The following ZNF717 variants were observed in gnomAD, a reference collection of about 807,000 sequenced individuals.
ZNF717 encodes the protein krueppel-like factor X17.
A neutral mutation model predicts 13.8 loss-of-function variants in ZNF717; 9 were observed. That is an observed-to-expected ratio of 0.65 (90% confidence interval 0.39 to 1.14). ZNF717 has a LOEUF of 1.14. Among genes scored for constraint, ZNF717 ranks in the 50% most tolerant of loss-of-function variants. The probability of loss-of-function intolerance (pLI) is 0.01; values close to 1 mark genes in which losing one functional copy is unlikely to be tolerated. For missense variants in ZNF717, 1,040 were observed against 1,080.7 expected (o/e 0.96, Z 0.53); for synonymous variants, 327 against 364.1 (o/e 0.90, Z 1.16).
intron 2 of ZNF717, among the ~76,000 whole-genome samples, chr3:75,772,312 C>T (rs1454696995): frequency 6.6e-6 from 1 of 152,248 alleles, no homozygotes; most frequent in Non-Finnish European, 1.5e-5. Flanking sequence ...AGGAGAAGAA[C>T]TCGGGACCTG....
chr3:75,708,357 G>T (rs546681799), downstream of ZNF717, among the ~76,000 whole-genome samples: 1 of 152,410 alleles, frequency 6.6e-6, no homozygotes, highest in African/African-American at 2.4e-5. Context: ...AGGCAAACAG[G>T]GTCTGGAGTG....
intron 2 of ZNF717, among the ~76,000 whole-genome samples, chr3:75,773,737 G>A (rs1340578563): frequency 6.6e-6 from 1 of 152,148 alleles, no homozygotes; most frequent in Non-Finnish European, 1.5e-5. Context: ...GAGGGCGACA[G>A]AGCAAGACGC....
chr3:75,726,253 C>T (rs1938276507), downstream of ZNF717, among the ~76,000 whole-genome samples: 1 of 152,196 alleles, frequency 6.6e-6, no homozygotes, highest in Non-Finnish European at 1.5e-5. Flanking sequence ...AGAGGGAGGG[C>T]ACATTTAGAT....
intron 2 of ZNF717, among the ~76,000 whole-genome samples, chr3:75,770,414 G>C (rs1943796334): frequency 6.6e-6 from 1 of 152,150 alleles, no homozygotes; most frequent in Admixed American, 6.5e-5. Context: ...TACAAAATTA[G>C]CTGGGCGTGG....
chr3:75,737,842 T>C lies in ZNF717; in HGVS notation c.1781A>G (p.Asn594Ser), dbSNP rs149887072. The change falls in exon 5 of 5, where the codon AAT (asparagine) becomes AGT (serine). Residue 594 changes from asparagine to serine, a missense_variant. Around this residue, in one of 3 missense-constraint regions of ZNF717, gnomAD observed 873 missense variants for 832.8 expected, o/e 1.05. Transcript: ENST00000652011. ...THAGKKPYEC[N>S]ECEKTFINKL... ...ATTGATAAAGGTTTTCTCACATTCA[T>C]TACATTCATAGGGTTTTTTGCCAGC... 1 of 1,551,508 alleles carries C rather than the reference T, an allele frequency of 6.4e-7. No homozygotes were observed. Among genetic ancestry groups the C allele is most frequent in the Admixed American group, 2.0e-5 (1 of 50,970 alleles).
intron 5 of ZNF717, among the ~76,000 whole-genome samples, chr3:75,730,782 TTC>T: frequency 7.7e-6 from 1 of 130,698 alleles, no homozygotes; most frequent in East Asian, 2.2e-4. Flanking sequence ...AGAAGGAACT[TTC>T]TGAGTTTATT....
chr3:75,746,587 G>A (rs1941195067), intron 2 of ZNF717, among the ~76,000 whole-genome samples: 1 of 152,172 alleles, frequency 6.6e-6, no homozygotes, highest in African/African-American at 2.4e-5. Flanking sequence ...ACTAGTGTGA[G>A]ATGATATCTC....
At chr3:75,715,455 A>G (rs2106846002) in intron 5 of ZNF717, among the ~76,000 whole-genome samples, 1 of 152,320 alleles carries the variant, frequency 6.6e-6, no homozygotes, top group South Asian at 2.1e-4. Flanking sequence ...TGTAAGGTCA[A>G]GATTTTGACC....
intron 2 of ZNF717, among the ~76,000 whole-genome samples, chr3:75,758,135 AAGAG>A (rs1261630408): frequency 2.0e-5 from 3 of 148,798 alleles, no homozygotes; most frequent in East Asian, 2.0e-4. Context: ...AAAAAAAAAA[AAGAG>A]AGAGAGATAA....
At chr3:75,734,815 ATATTTTTTT>A (rs1258200612), downstream of ZNF717, among the ~76,000 whole-genome samples, 1,532 of 42,684 alleles carry the variant, frequency 0.036, 5 homozygotes, top group African/African-American at 0.088. Context: ...ATATATATAT[ATATTTTTTT>A]TTTTTTTTTT....
At chr3:75,745,176 CT>C (rs1255381937) in intron 2 of ZNF717, among the ~76,000 whole-genome samples, 35 of 140,654 alleles carry the variant, frequency 2.5e-4, no homozygotes, top group Admixed American at 2.3e-3. Context: ...TTCTTTCTGT[CT>C]TTTTAAAATT....
At chr3:75,770,766 A>G (rs1322221736) in intron 2 of ZNF717, among the ~76,000 whole-genome samples, 1 of 152,182 alleles carries the variant, frequency 6.6e-6, no homozygotes, top group Non-Finnish European at 1.5e-5. Context: ...TAACTTTTAG[A>G]TAGCAACAAA....
chr3:75,750,055 G>A (rs796215604), intron 2 of ZNF717, among the ~76,000 whole-genome samples: 2 of 148,712 alleles, frequency 1.3e-5, no homozygotes, highest in East Asian at 4.0e-4. Context: ...ACACTGCTAC[G>A]AGGGTCTGAA....
intron 2 of ZNF717, among the ~76,000 whole-genome samples, chr3:75,758,543 T>C (rs1221439271): frequency 6.6e-6 from 1 of 152,240 alleles, no homozygotes; most frequent in Non-Finnish European, 1.5e-5. Context: ...TTGAAAGTTC[T>C]ACTGTGGGTA....
intron 2 of ZNF717, among the ~76,000 whole-genome samples, chr3:75,777,196 C>A (rs1342732733): frequency 4.0e-5 from 2 of 49,864 alleles, no homozygotes; most frequent in Non-Finnish European, 7.9e-5. Flanking sequence ...ACATGCTAAA[C>A]CGGAAACCCA....
chr3:75,722,032 G>A (rs74924197), intron 4 of ZNF717, among the ~76,000 whole-genome samples: 1 of 151,564 alleles, frequency 6.6e-6, no homozygotes, highest in East Asian at 1.9e-4. Flanking sequence ...TGGATCACAA[G>A]GTCAAGAGAT....
intron 4 of ZNF717, among the ~76,000 whole-genome samples, chr3:75,718,389 C>T (rs75404630): frequency 1.3e-5 from 2 of 152,054 alleles, no homozygotes; most frequent in African/African-American, 2.4e-5. Context: ...GTGGTGATGA[C>T]GTTGTCAGTT....
Position 75,752,089 on chromosome 3 carries a change from T to C in ZNF717, c.58-10353A>G, listed in dbSNP as rs1358173069. On this transcript the variant is annotated intron_variant, in intron 2 of 4. Coordinates refer to ENST00000652011, the MANE Select transcript of ZNF717 (RefSeq NM_001290208.3). Reference sequence around the variant, plus strand: ...TGCTGTGGTCTGACTAACCCTCACATAGGACTCTAGAACACTCCTACTGTG... The same window carrying C: ...TGCTGTGGTCTGACTAACCCTCACACAGGACTCTAGAACACTCCTACTGTG... Among the ~76,000 whole-genome samples the C allele has an allele frequency of 1.5e-4, 23 of 150,576 alleles. No homozygotes were observed. In the South Asian group the frequency reaches 4.4e-3, roughly 29 times the overall value.
At chr3:75,725,951 T>G (rs1193327982), downstream of ZNF717, among the ~76,000 whole-genome samples, 1 of 152,238 alleles carries the variant, frequency 6.6e-6, no homozygotes, top group Non-Finnish European at 1.5e-5. Context: ...ATTTCATAAT[T>G]TGCTCCCAGT....
Sources: gnomAD v4.1 joint callset for allele counts (sites outside exome capture counted in the v4.1 genomes callset) on GRCh38, gnomAD v4.1.1 for gene constraint, gnomAD v4.1.1 regional missense constraint, MANE v1.5 for transcripts, NCBI Gene and HGNC (gene_info 2026-07-23, HGNC 2026-07-21) for gene names.